Variants in DISC1 observed in about 807,000 individuals in gnomAD.
The protein encoded by DISC1 is disrupted in schizophrenia 1 protein.
Under a neutral mutation model 84.5 loss-of-function variants are expected in DISC1, and 57 were observed. The ratio of observed to expected loss-of-function variants is 0.67; its 90% CI spans 0.55 to 0.84. DISC1 has a LOEUF of 0.84. DISC1 is among the 40% of genes least tolerant of loss of function. DISC1 has a pLI of 0.00. For synonymous variants in DISC1, 411 were observed against 415.2 expected (o/e 0.99, Z 0.12); for missense variants, 1,000 against 1,057.8 (o/e 0.95, Z 0.76).
intron 1 of DISC1, among the ~76,000 whole-genome samples, 199 bp downstream of exon 1, chr1:231,627,133 C>G (rs1365780191): frequency 6.6e-6 from 1 of 152,206 alleles, no homozygotes; most frequent in East Asian, 1.9e-4. Flanking sequence ...CCGGCACCAG[C>G]GCCGAGCCGG....
chr1:231,861,452 G>GTTTTTTTTTTTTTTT (rs59522401), intron 9 of DISC1, among the ~76,000 whole-genome samples: 1 of 88,968 alleles, frequency 1.1e-5, no homozygotes, highest in Non-Finnish European at 2.2e-5. Flanking sequence ...ATTTTGACAA[G>GTTTTTTTTTTTTTTT]TTTTTTTTTT....
At chr1:231,871,959 A>T (rs1436225355) in intron 9 of DISC1, among the ~76,000 whole-genome samples, 2 of 152,136 alleles carry the variant, frequency 1.3e-5, no homozygotes, top group Non-Finnish European at 1.5e-5. Flanking sequence ...GAGACTGGAG[A>T]GTCCCATCTC....
At chr1:231,634,694 T>C (rs890092862) in intron 1 of DISC1, among the ~76,000 whole-genome samples, 5 of 152,222 alleles carry the variant, frequency 3.3e-5, no homozygotes, top group Admixed American at 2.0e-4. Context: ...ATTTATTCAT[T>C]CACAAACACT....
At chr1:231,666,309 GA>G (rs751745733) in intron 1 of DISC1, among the ~76,000 whole-genome samples, 40,930 of 87,198 alleles carry the variant, frequency 0.47, 6,975 homozygotes, top group East Asian at 0.71. Flanking sequence ...TTTGTCTCAG[GA>G]AAAAAAAAAA....
chr1:231,723,118 C>T (rs1227112514), intron 3 of DISC1: 10 of 972,682 alleles, frequency 1.0e-5, no homozygotes, highest in Non-Finnish European at 9.9e-6. Flanking sequence ...CACGTGTACT[C>T]AAGTCTTGTT....
At chr1:231,888,152 G>T (rs528744907) in intron 9 of DISC1, among the ~76,000 whole-genome samples, 9 of 152,156 alleles carry the variant, frequency 5.9e-5, no homozygotes, top group African/African-American at 1.2e-4. Flanking sequence ...AGTTACTTGT[G>T]GGGGAAGCAG....
At chr1:231,734,013 G>A (rs899339839) in intron 3 of DISC1, among the ~76,000 whole-genome samples, 12 of 151,744 alleles carry the variant, frequency 7.9e-5, no homozygotes, top group Non-Finnish European at 1.8e-4. Flanking sequence ...GGTGGTGGCC[G>A]TATTGGTGGT....
At chr1:231,642,184 C>T (rs1031209183) in intron 1 of DISC1, among the ~76,000 whole-genome samples, 3 of 152,158 alleles carry the variant, frequency 2.0e-5, no homozygotes, top group East Asian at 3.9e-4. Context: ...CCGGCGGGGC[C>T]GGCCGGCCAC....
In DISC1 at chr1:231,912,766, T is replaced by G. The variant is rs955492518; in HGVS notation, c.1982-46062T>G. 4.2e-5 allele frequency among the ~76,000 whole-genome samples: 6 copies of G among 142,718 alleles called. No homozygotes were observed. In the East Asian group the frequency reaches 1.2e-3, roughly 28 times the overall value. 93.6% of individuals were successfully genotyped at this position (142,718 alleles called of 152,430 possible). A position where few individuals can be genotyped will look rare whatever the true frequency, so the allele number is the denominator to read the frequency against. On this transcript the variant is annotated intron_variant, in intron 9 of 12. Coordinates refer to ENST00000439617, the MANE Select transcript of DISC1 (RefSeq NM_018662.3). Reference sequence around the variant, plus strand: ...TCTTCTTTCTTTCTTTCTTTCTTTCTTTCTTTCTTTCTTTCTTTCTTTCTT... The same window carrying G: ...TCTTCTTTCTTTCTTTCTTTCTTTCGTTCTTTCTTTCTTTCTTTCTTTCTT...
At chr1:231,735,150 C>T (rs2072311091) in intron 3 of DISC1, among the ~76,000 whole-genome samples, 1 of 152,158 alleles carries the variant, frequency 6.6e-6, no homozygotes, top group Non-Finnish European at 1.5e-5. Flanking sequence ...ATTGTCAAAA[C>T]TCTTAGTTCT....
At position 231,965,848 on chromosome 1, in the gene DISC1, G is replaced by A. The variant is rs866702173; in HGVS notation, c.2042+6960G>A. 4.6e-5 allele frequency among the ~76,000 whole-genome samples: 7 copies of A among 152,282 alleles called. No homozygotes were observed. The South Asian group carries it at 1.5e-3, about 32-fold the overall frequency. On this transcript the variant is annotated intron_variant, in intron 10 of 12. Coordinates refer to ENST00000439617, the MANE Select transcript of DISC1 (RefSeq NM_018662.3). ...TGTCCTTCTCTATAAAGCCTTTCTG[G>A]CCTCCTGCTATTTCCTGCATGGTAC...
At chr1:231,911,957 A>C (rs966649661) in intron 9 of DISC1, among the ~76,000 whole-genome samples, 1 of 152,074 alleles carries the variant, frequency 6.6e-6, no homozygotes, top group East Asian at 1.9e-4. Flanking sequence ...CTTCCACTTG[A>C]TCGAATCAGC....
intron 6 of DISC1, among the ~76,000 whole-genome samples, chr1:231,775,365 G>A (rs946298670): frequency 6.6e-6 from 1 of 152,242 alleles, no homozygotes; most frequent in East Asian, 1.9e-4. Context: ...ACTGTGGCTT[G>A]TTGGGAACCC....
At chr1:231,688,540 G>T (rs7552630) in intron 1 of DISC1, among the ~76,000 whole-genome samples, 2 of 151,968 alleles carry the variant, frequency 1.3e-5, no homozygotes, top group African/African-American at 4.8e-5. Flanking sequence ...CCTTTAATCC[G>T]ATGAGGTGGT....
chr1:231,677,517 T>C (rs981677558), intron 1 of DISC1, among the ~76,000 whole-genome samples: 3 of 152,226 alleles, frequency 2.0e-5, no homozygotes, highest in Non-Finnish European at 2.9e-5. Context: ...CTGCCAGAAA[T>C]TTAAAATGTG....
At chr1:231,995,631 A>T (rs1665843623) in intron 10 of DISC1, among the ~76,000 whole-genome samples, 1 of 151,988 alleles carries the variant, frequency 6.6e-6, no homozygotes, top group Non-Finnish European at 1.5e-5. Flanking sequence ...GAGAATGGTG[A>T]TTTCCAATTT....
chr1:231,960,438 A>T (rs1027377911), intron 10 of DISC1, among the ~76,000 whole-genome samples: 8 of 152,040 alleles, frequency 5.3e-5, no homozygotes, highest in Non-Finnish European at 8.8e-5. Context: ...TATTTAGTGG[A>T]GATGGAGTTT....
intron 1 of DISC1, among the ~76,000 whole-genome samples, chr1:231,679,500 G>A (rs1218386677): frequency 6.6e-6 from 1 of 152,158 alleles, no homozygotes; most frequent in East Asian, 1.9e-4. Flanking sequence ...GCTTTTAAGA[G>A]GCACTTAATA....
chr1:231,811,018 G>A (rs1301239201), intron 8 of DISC1, among the ~76,000 whole-genome samples: 2 of 152,136 alleles, frequency 1.3e-5, no homozygotes, highest in African/African-American at 4.8e-5. Flanking sequence ...GCTGTTGTCC[G>A]ATTGTATATT....
Sources: allele counts gnomAD v4.1 joint callset (sites outside exome capture counted in the v4.1 genomes callset), GRCh38; gene constraint gnomAD v4.1.1; transcripts MANE v1.5; gene names NCBI Gene and HGNC (gene_info 2026-07-23, HGNC 2026-07-21).